The following BTAF1 variants were observed in gnomAD, a reference collection of about 807,000 sequenced individuals.
BTAF1 encodes the protein TATA-binding protein-associated factor 172.
In BTAF1, 38 loss-of-function variants were observed where a neutral mutation model predicts 227.1. The observed-to-expected ratio is 0.17, with a 90% confidence interval of 0.13 to 0.22. The LOEUF is 0.22. BTAF1 is among the 10% of genes least tolerant of loss of function. The pLI is 1.00. For synonymous variants in BTAF1, 742 were observed against 751.9 expected (o/e 0.99, Z 0.21); for missense variants, 1,598 against 2,204.0 (o/e 0.73, Z 5.51).
At chr10:91,951,311 G>A (rs1845750029) in intron 4 of BTAF1, 92 bp from the exon 5 acceptor site, 1 of 1,312,120 alleles carries the variant, frequency 7.6e-7, no homozygotes, top group South Asian at 1.4e-5. Context: ...GGGATGCTTT[G>A]TGTATTTTTT....
Position 91,991,669 on chromosome 10 carries a change from C to A in BTAF1, c.2855-450C>A, listed in dbSNP as rs538762874. ...GGAGGCTGAGGTGGGAGGATTGGAT[C>A]TCTTGAGCCCAGGAGGTGGAGGTTG... On this transcript the variant is annotated intron_variant, in intron 20 of 37. Transcript: ENST00000265990. Among the ~76,000 whole-genome samples the A allele has an allele frequency of 4.0e-5, 6 of 151,412 alleles. No individual in the cohort carries two copies. The East Asian group carries it at 1.2e-3, about 30-fold the overall frequency.
chr10:91,997,397 A>C (rs1349045569), intron 24 of BTAF1, among the ~76,000 whole-genome samples: 1 of 152,230 alleles, frequency 6.6e-6, no homozygotes, highest in Non-Finnish European at 1.5e-5. Flanking sequence ...CCTAATCATG[A>C]GAAAGTTACA....
intron 1 of BTAF1, among the ~76,000 whole-genome samples, chr10:91,926,323 A>G (rs963881094): frequency 1.3e-5 from 2 of 152,200 alleles, no homozygotes; most frequent in Non-Finnish European, 1.5e-5. Context: ...AAACTGTAAT[A>G]TTTTTAGGAC....
At chr10:92,009,259 GAT>G in intron 28 of BTAF1, 51 bp downstream of exon 28, 2 of 1,560,714 alleles carry the variant, frequency 1.3e-6, no homozygotes, top group Non-Finnish European at 1.8e-6. Flanking sequence ...TCATAATTAA[GAT>G]AAGGAACAGT....
intron 25 of BTAF1, among the ~76,000 whole-genome samples, chr10:92,003,155 CA>C (rs35416792): frequency 1.4e-4 from 20 of 141,346 alleles, no homozygotes; most frequent in African/African-American, 2.3e-4. Flanking sequence ...GACTCCGTCT[CA>C]AAAAAAAAAA....
At chr10:92,012,409 T>G (rs1735310334) in intron 30 of BTAF1, among the ~76,000 whole-genome samples, 1 of 141,294 alleles carries the variant, frequency 7.1e-6, no homozygotes, top group Non-Finnish European at 1.5e-5. Flanking sequence ...TTCTGTTCAT[T>G]AAGTAAACAC....
chr10:91,933,928 G>C lies in BTAF1; in HGVS notation c.15-1729G>C, dbSNP rs74996879. On this transcript the variant is annotated intron_variant, in intron 1 of 37. Transcript: ENST00000265990. ...ATTGAATAAGGATAGAAGGGGGATG[G>C]TATCAAGACAAAAGTAGGTCAAGAA... Among the ~76,000 whole-genome samples the C allele has an allele frequency of 4.7e-3, 717 of 152,138 alleles. 6 individuals are homozygous for C. Among genetic ancestry groups the C allele is most frequent in the African/African-American group, 0.016 (675 of 41,500 alleles).
At chr10:92,006,504 A>G (rs573938884) in intron 25 of BTAF1, among the ~76,000 whole-genome samples, 1 of 152,206 alleles carries the variant, frequency 6.6e-6, no homozygotes, top group Admixed American at 6.5e-5. Flanking sequence ...TTACCCATAC[A>G]TGTTTTGTAA....
intron 25 of BTAF1, among the ~76,000 whole-genome samples, chr10:92,005,483 T>C (rs1386131148): frequency 6.6e-6 from 1 of 152,146 alleles, no homozygotes; most frequent in African/African-American, 2.4e-5. Flanking sequence ...TTTATTTGTG[T>C]CCCCAGCAGT....
intron 24 of BTAF1, 131 bp from the exon 25 acceptor site, chr10:91,997,472 G>A: frequency 1.3e-6 from 1 of 753,712 alleles, no homozygotes; most frequent in Non-Finnish European, 2.1e-6. Context: ...GGCCTGGAGG[G>A]TCAGTCTTTT....
intron 14 of BTAF1, among the ~76,000 whole-genome samples, chr10:91,976,197 A>G (rs1446525640): frequency 6.6e-6 from 1 of 152,220 alleles, no homozygotes; most frequent in Non-Finnish European, 1.5e-5. Flanking sequence ...ACTTAGGAAC[A>G]GCCAGATGGA....
intron 7 of BTAF1, 27 bp from the exon 8 acceptor site, chr10:91,957,198 A>C: frequency 6.3e-7 from 1 of 1,582,446 alleles, no homozygotes; most frequent in South Asian, 1.1e-5. Flanking sequence ...CTTTTGAACT[A>C]GTAGTAATTC....
intron 25 of BTAF1, among the ~76,000 whole-genome samples, chr10:92,002,014 A>ACT (rs1849582595): frequency 2.7e-5 from 2 of 75,234 alleles, no homozygotes; most frequent in African/African-American, 6.2e-5. Context: ...ACACACACAC[A>ACT]CTCCATATAT....
chr10:91,966,818 C>G, intron 14 of BTAF1, 61 bp downstream of exon 14: 3 of 1,501,132 alleles, frequency 2.0e-6, no homozygotes, highest in Non-Finnish European at 2.7e-6. Context: ...TAAAATAAAC[C>G]TGGTCTTTAG....
chr10:91,946,290 C>G (rs1158469547), intron 4 of BTAF1, among the ~76,000 whole-genome samples: 1 of 152,060 alleles, frequency 6.6e-6, no homozygotes, highest in Non-Finnish European at 1.5e-5. Context: ...ACCTGGGAGG[C>G]AGAGATTGCG....
At chr10:92,017,843 CT>C (rs1243946393) in intron 33 of BTAF1, among the ~76,000 whole-genome samples, 1 of 152,196 alleles carries the variant, frequency 6.6e-6, no homozygotes, top group African/African-American at 2.4e-5. Context: ...GTGCTCAGCA[CT>C]GTCTTGAGCC....
chr10:91,966,365 C>T (rs1846913913), intron 13 of BTAF1, among the ~76,000 whole-genome samples: 2 of 152,184 alleles, frequency 1.3e-5, no homozygotes, highest in Admixed American at 1.3e-4. Flanking sequence ...AAAGGTGACT[C>T]ATAGCATTAG....
chr10:92,017,322 A>G (rs1476374563), intron 33 of BTAF1, among the ~76,000 whole-genome samples: 2 of 152,140 alleles, frequency 1.3e-5, no homozygotes, highest in South Asian at 2.1e-4. Context: ...AGGATACAAA[A>G]AGTACAGAAG....
At chr10:92,011,012 G>A in intron 28 of BTAF1, 61 bp from the exon 29 acceptor site, 2 of 1,206,378 alleles carry the variant, frequency 1.7e-6, no homozygotes, top group African/African-American at 1.5e-5. Context: ...TTATACAAAT[G>A]GTAGCTATTA....
Sources: allele counts gnomAD v4.1 joint callset (sites outside exome capture counted in the v4.1 genomes callset), GRCh38; gene constraint gnomAD v4.1.1; transcripts MANE v1.5; gene names NCBI Gene and HGNC (gene_info 2026-07-23, HGNC 2026-07-21).